ABTB2: variants seen among roughly 807,000 people sequenced by gnomAD.
ABTB2 encodes the protein ankyrin repeat and BTB domain containing 2.
A neutral mutation model predicts 104.1 loss-of-function variants in ABTB2; 56 were observed. That is an observed-to-expected ratio of 0.54 (90% CI 0.43 to 0.67). ABTB2 has a LOEUF of 0.67. Among genes scored for constraint, ABTB2 ranks in the 30% least tolerant of loss-of-function variants. The pLI, the probability that ABTB2 is intolerant of heterozygous loss-of-function variation, is 0.00. For synonymous variants in ABTB2, 606 were observed against 608.2 expected (o/e 1.00, Z 0.05); for missense variants, 1,279 against 1,407.7 (o/e 0.91, Z 1.46).
chr11:34,221,406 C>A (rs922841633), intron 1 of ABTB2, among the ~76,000 whole-genome samples: 1 of 152,358 alleles, frequency 6.6e-6, no homozygotes, highest in South Asian at 2.1e-4. Flanking sequence ...GCTGGAATTT[C>A]AACACAGGAA....
intron 1 of ABTB2, among the ~76,000 whole-genome samples, chr11:34,285,647 C>G (rs956663060): frequency 6.6e-6 from 1 of 152,176 alleles, no homozygotes; most frequent in African/African-American, 2.4e-5. Flanking sequence ...AGCCGTCACA[C>G]GTGCACAAAA....
At chr11:34,241,968 G>A (rs867246554) in intron 1 of ABTB2, among the ~76,000 whole-genome samples, 4 of 152,334 alleles carry the variant, frequency 2.6e-5, no homozygotes, top group Middle Eastern at 3.4e-3. Context: ...CATTGATTGA[G>A]CCTCCTGGCC....
chr11:34,212,464 A>G (rs1853492859), intron 1 of ABTB2, among the ~76,000 whole-genome samples: 1 of 152,150 alleles, frequency 6.6e-6, no homozygotes, highest in Non-Finnish European at 1.5e-5. Flanking sequence ...GAAACCCTAG[A>G]AAGACCCTCG....
In ABTB2 at chr11:34,197,460, G is replaced by A. The variant is rs752041350; in HGVS notation, c.1109C>T (p.Ala370Val). ...LCPGASPARQ[A>V]RQPPQPITWS... ...AGTGATGGGCTGTGGCGGCTGGCGGGCCTGGCGGGCAGGGCTGGCACCCGG... is the reference window on the plus strand; with the variant it reads ...AGTGATGGGCTGTGGCGGCTGGCGGACCTGGCGGGCAGGGCTGGCACCCGG... Residue 370 changes from alanine to valine, a missense_variant, in exon 3 of 17, where the codon GCC becomes GTC. Transcript: ENST00000435224. 11 of 1,592,660 alleles carry A rather than the reference G, an allele frequency of 6.9e-6. No individual in the cohort carries two copies. In the Admixed American group the frequency reaches 1.7e-4, roughly 25 times the overall value.
intron 3 of ABTB2, among the ~76,000 whole-genome samples, chr11:34,178,805 GCAGCTGACACTTGTAATCC>G (rs1345569709): frequency 1.3e-5 from 2 of 152,156 alleles, no homozygotes; most frequent in African/African-American, 4.8e-5. Flanking sequence ...GTCGGGCATG[GCAGCTGACACTTGTAATCC>G]CAGCACTTTG....
intron 1 of ABTB2, among the ~76,000 whole-genome samples, chr11:34,347,604 C>T (rs778200074): frequency 1.3e-5 from 2 of 152,108 alleles, no homozygotes; most frequent in Non-Finnish European, 2.9e-5. Flanking sequence ...AAGACCGACA[C>T]CTGAGTTATT....
intron 1 of ABTB2, among the ~76,000 whole-genome samples, chr11:34,311,567 TGAGA>T (rs1247637196): frequency 6.6e-6 from 1 of 152,150 alleles, no homozygotes; most frequent in Non-Finnish European, 1.5e-5. Context: ...GCTAATATTT[TGAGA>T]GAGAGGGAGA....
chr11:34,210,779 T>G (rs1853471257), intron 1 of ABTB2, among the ~76,000 whole-genome samples: 1 of 152,212 alleles, frequency 6.6e-6, no homozygotes, highest in Non-Finnish European at 1.5e-5. Flanking sequence ...AGAGGATTAC[T>G]CCTTTACTGC....
chr11:34,243,973 T>C (rs1467121706), intron 1 of ABTB2, among the ~76,000 whole-genome samples: 1 of 152,216 alleles, frequency 6.6e-6, no homozygotes, highest in African/African-American at 2.4e-5. Context: ...GGATAGGAAT[T>C]TGAAGCTTTG....
At chr11:34,343,530 G>T (rs1031187046) in intron 1 of ABTB2, among the ~76,000 whole-genome samples, 36 of 151,608 alleles carry the variant, frequency 2.4e-4, no homozygotes, top group Admixed American at 5.2e-4. Context: ...GCTGGAGTGT[G>T]GTGGTGTGAT....
intron 3 of ABTB2, among the ~76,000 whole-genome samples, chr11:34,174,127 G>A (rs1852927153): frequency 6.6e-6 from 1 of 152,136 alleles, no homozygotes; most frequent in African/African-American, 2.4e-5. Flanking sequence ...GAGGTCAGGA[G>A]ATCGAGATCA....
chr11:34,264,356 T>C (rs1387052575), intron 1 of ABTB2, among the ~76,000 whole-genome samples: 1 of 152,182 alleles, frequency 6.6e-6, no homozygotes, highest in Non-Finnish European at 1.5e-5. Context: ...CTCTGTGCTG[T>C]GGACAGGAAG....
At chr11:34,342,925 A>G (rs1016955303) in intron 1 of ABTB2, among the ~76,000 whole-genome samples, 39 of 23,864 alleles carry the variant, frequency 1.6e-3, no homozygotes, top group Admixed American at 0.012. Context: ...CATTTCATTT[A>G]TTTATTTATT....
chr11:34,300,905 C>T (rs1320709831), intron 1 of ABTB2, among the ~76,000 whole-genome samples: 1 of 152,124 alleles, frequency 6.6e-6, no homozygotes, highest in Non-Finnish European at 1.5e-5. Context: ...TTGGGTTAAC[C>T]TTACTTATAC....
At chr11:34,354,647 G>A (rs534708048) in intron 1 of ABTB2, among the ~76,000 whole-genome samples, 14 of 152,202 alleles carry the variant, frequency 9.2e-5, no homozygotes, top group Admixed American at 2.0e-4. Flanking sequence ...CGCATCTTCA[G>A]GGTGTCCTGG....
rs148012491 is a variant in ABTB2, at chr11:34,294,476, A to G, written c.883+62225T>C. Among the ~76,000 whole-genome samples the G allele has an allele frequency of 1.5e-3, 224 of 152,264 alleles. 2 individuals are homozygous for G. Among genetic ancestry groups the G allele is most frequent in the East Asian group, 6.2e-3 (32 of 5,190 alleles). ...TTGCTGATGGGAGAGAATCAGTGGG[A>G]AAATGATGGTGCTGACTACGGCCAA... On this transcript the variant is annotated intron_variant, in intron 1 of 16. Coordinates refer to ENST00000435224, the MANE Select transcript of ABTB2 (RefSeq NM_145804.3).
chr11:34,196,381 G>A (rs1300177738), intron 3 of ABTB2, among the ~76,000 whole-genome samples: 1 of 152,072 alleles, frequency 6.6e-6, no homozygotes, highest in Non-Finnish European at 1.5e-5. Context: ...GTGCAACCCC[G>A]TCTCTACTAA....
At chr11:34,321,681 A>G (rs1590255545) in intron 1 of ABTB2, among the ~76,000 whole-genome samples, 2 of 152,328 alleles carry the variant, frequency 1.3e-5, no homozygotes, top group East Asian at 3.9e-4. Flanking sequence ...GCCTGCATCA[A>G]GATGTTGGGT....
At chr11:34,269,624 C>T (rs767967628) in intron 1 of ABTB2, among the ~76,000 whole-genome samples, 1 of 152,244 alleles carries the variant, frequency 6.6e-6, no homozygotes, top group Non-Finnish European at 1.5e-5. Context: ...TGTGTCCCAA[C>T]GAGCCTTCAT....
Sources: allele counts gnomAD v4.1 joint callset (sites outside exome capture counted in the v4.1 genomes callset), GRCh38; gene constraint gnomAD v4.1.1; transcripts MANE v1.5; gene names NCBI Gene and HGNC (gene_info 2026-07-23, HGNC 2026-07-21).